Variants in CLASP2 observed in about 807,000 individuals in gnomAD.
CLASP2 encodes the protein cytoplasmic linker associated protein 2, also known as CLIP-associating protein 2.
In CLASP2, 47 loss-of-function variants were observed where a neutral mutation model predicts 194.4. That is an observed-to-expected ratio of 0.24 (90% confidence interval 0.19 to 0.31). CLASP2 has a LOEUF of 0.31. Among genes scored for constraint, CLASP2 ranks in the 10% least tolerant of loss-of-function variants. CLASP2 has a pLI of 1.00. For synonymous variants in CLASP2, 619 were observed against 633.5 expected (o/e 0.98, Z 0.34); for missense variants, 1,445 against 1,823.6 (o/e 0.79, Z 3.78).
intron 31 of CLASP2, among the ~76,000 whole-genome samples, chr3:33,543,851 C>T (rs961987686): frequency 1.3e-5 from 2 of 152,136 alleles, no homozygotes; most frequent in African/African-American, 4.8e-5. Context: ...CTTCTTCTAA[C>T]CATTACTAAT....
chr3:33,525,623 C>A (rs1011266243), intron 34 of CLASP2, among the ~76,000 whole-genome samples: 10 of 152,186 alleles, frequency 6.6e-5, no homozygotes, highest in Admixed American at 2.6e-4. Context: ...TCCCTGTGAA[C>A]CCACTCCACT....
At chr3:33,717,085 G>T (rs1007817162) in intron 1 of CLASP2, among the ~76,000 whole-genome samples, 5 of 152,130 alleles carry the variant, frequency 3.3e-5, no homozygotes, top group Non-Finnish European at 7.4e-5. Flanking sequence ...CTTCAGAAAG[G>T]CTCATTCTTT....
At chr3:33,711,848 T>C (rs978998486) in intron 1 of CLASP2, among the ~76,000 whole-genome samples, 6 of 152,098 alleles carry the variant, frequency 3.9e-5, no homozygotes, top group African/African-American at 1.4e-4. Flanking sequence ...CCTGCAAGAA[T>C]GGCCATAATT....
chr3:33,678,065 A>G (rs897528247), intron 6 of CLASP2, among the ~76,000 whole-genome samples: 17 of 152,120 alleles, frequency 1.1e-4, no homozygotes, highest in Admixed American at 1.1e-3. Context: ...AAACTGAAAA[A>G]GCAAAGAAAA....
chr3:33,629,112 A>G (rs2078590120), intron 9 of CLASP2, among the ~76,000 whole-genome samples: 1 of 152,166 alleles, frequency 6.6e-6, no homozygotes, highest in Non-Finnish European at 1.5e-5. Flanking sequence ...AAGAAGTGGG[A>G]TGAAGTGAGT....
intron 6 of CLASP2, among the ~76,000 whole-genome samples, chr3:33,668,520 A>G (rs1298582670): frequency 6.6e-6 from 1 of 152,242 alleles, no homozygotes; most frequent in Non-Finnish European, 1.5e-5. Flanking sequence ...ATGGTAGTGG[A>G]AAAAGGGAAA....
intron 32 of CLASP2, among the ~76,000 whole-genome samples, chr3:33,541,447 T>C (rs1329193004): frequency 6.6e-6 from 1 of 152,144 alleles, no homozygotes; most frequent in East Asian, 1.9e-4. Context: ...TTAAGCCTAG[T>C]GTCCATTAAT....
chr3:33,667,294 C>G (rs931884331), intron 6 of CLASP2, among the ~76,000 whole-genome samples: 1 of 150,894 alleles, frequency 6.6e-6, no homozygotes, highest in Non-Finnish European at 1.5e-5. Context: ...CACCTATAAT[C>G]CCAGCTACTC....
chr3:33,622,371 T>A, intron 10 of CLASP2, 91 bp from the exon 11 acceptor site: 1 of 959,626 alleles, frequency 1.0e-6, no homozygotes, highest in Non-Finnish European at 1.4e-6. Context: ...AAAAACTTTC[T>A]AATAAATGAA....
chr3:33,594,738 A>G (rs998972892), intron 20 of CLASP2, among the ~76,000 whole-genome samples: 4 of 151,724 alleles, frequency 2.6e-5, no homozygotes, highest in African/African-American at 9.7e-5. Context: ...AGATGATCCA[A>G]AGTACAAAGC....
chr3:33,546,076 C>T (rs182481361), intron 30 of CLASP2, among the ~76,000 whole-genome samples: 99 of 151,984 alleles, frequency 6.5e-4, no homozygotes, highest in Non-Finnish European at 6.2e-4. Flanking sequence ...TTTTTGGAAC[C>T]ACCACATTGA....
At chr3:33,535,493 TA>T in intron 33 of CLASP2, 32 bp from the exon 34 acceptor site, 1 of 1,514,318 alleles carries the variant, frequency 6.6e-7, no homozygotes, top group Non-Finnish European at 9.1e-7. Flanking sequence ...CACAGCAAAT[TA>T]ACTCATTTTT....
At chr3:33,638,105 T>C (rs2080514846) in intron 8 of CLASP2, among the ~76,000 whole-genome samples, 1 of 152,136 alleles carries the variant, frequency 6.6e-6, no homozygotes, top group African/African-American at 2.4e-5. Flanking sequence ...TATCAGTATG[T>C]TTAATATGGG....
intron 25 of CLASP2, among the ~76,000 whole-genome samples, chr3:33,571,302 C>G (rs1273760112): frequency 6.6e-6 from 1 of 151,338 alleles, no homozygotes; most frequent in Non-Finnish European, 1.5e-5. Context: ...CGTGACCCAC[C>G]GCGCCCGGCC....
chr3:33,541,148 C>A (rs2058285472), intron 32 of CLASP2, among the ~76,000 whole-genome samples: 1 of 152,094 alleles, frequency 6.6e-6, no homozygotes, highest in Non-Finnish European at 1.5e-5. Flanking sequence ...TGGGTATATA[C>A]CCAAAGGAAT....
At chr3:33,540,347 C>T (rs1374814084) in intron 32 of CLASP2, among the ~76,000 whole-genome samples, 1 of 151,468 alleles carries the variant, frequency 6.6e-6, no homozygotes, top group Non-Finnish European at 1.5e-5. Flanking sequence ...AATAATCATC[C>T]TGCATCAGCC....
At chr3:33,586,153 G>A (rs528869581) in intron 21 of CLASP2, among the ~76,000 whole-genome samples, 10 of 151,116 alleles carry the variant, frequency 6.6e-5, no homozygotes, top group Non-Finnish European at 1.2e-4. Flanking sequence ...TTTCCCCCCC[G>A]AGACAGAGTC....
At chr3:33,675,987 T>C (rs1382640696) in intron 6 of CLASP2, among the ~76,000 whole-genome samples, 1 of 151,082 alleles carries the variant, frequency 6.6e-6, no homozygotes, top group East Asian at 1.9e-4. Context: ...AGAATCAATA[T>C]CGTGAAAATG....
At chr3:33,619,800 T>C (rs2076825920) in intron 11 of CLASP2, 62 bp from the exon 12 acceptor site, 1 of 1,312,008 alleles carries the variant, frequency 7.6e-7, no homozygotes, top group Admixed American at 3.1e-5. Context: ...TAGAACCATA[T>C]AATTTTAAAA....
Sources: gnomAD v4.1 joint callset for allele counts (sites outside exome capture counted in the v4.1 genomes callset) on GRCh38, gnomAD v4.1.1 for gene constraint, MANE v1.5 for transcripts, NCBI Gene and HGNC (gene_info 2026-07-23, HGNC 2026-07-21) for gene names.